ZNF487: variants seen among roughly 807,000 people sequenced by gnomAD.
The protein encoded by ZNF487 is zinc finger protein 487, also known as KRAB domain only 1.
A neutral mutation model predicts 3.0 loss-of-function variants in ZNF487; 4 were observed. That is an observed-to-expected ratio of 1.35 (90% CI 0.66 to 3.08). The LOEUF is 3.08. Among genes scored for constraint, ZNF487 ranks in the 30% most tolerant of loss-of-function variants. ZNF487 has a pLI of 0.01. For missense variants in ZNF487, 146 were observed against 98.7 expected (o/e 1.48, Z -2.03); for synonymous variants, 55 against 34.6 (o/e 1.59, Z -2.06).
At chr10:43,455,156 C>A (rs1405052066) in intron 1 of ZNF487, among the ~76,000 whole-genome samples, 1 of 151,698 alleles carries the variant, frequency 6.6e-6, no homozygotes, top group East Asian at 2.0e-4. Flanking sequence ...CTATAGGCGC[C>A]CGCCACCACG....
At chr10:43,484,043 A>G (rs891887046), downstream of ZNF487, among the ~76,000 whole-genome samples, 2 of 151,326 alleles carry the variant, frequency 1.3e-5, no homozygotes, top group African/African-American at 2.4e-5. Context: ...TAATTTTTGT[A>G]TTTTTAGTAG....
intron 2 of ZNF487, 34 bp downstream of exon 2, chr10:43,475,881 A>G (rs1167648793): frequency 1.4e-6 from 1 of 726,786 alleles, no homozygotes; most frequent in Non-Finnish European, 2.6e-6. Context: ...TTCAAATAAC[A>G]TTTATTTCCT....
chr10:43,464,568 A>G (rs1250548366), intron 1 of ZNF487, among the ~76,000 whole-genome samples: 3 of 152,060 alleles, frequency 2.0e-5, no homozygotes, highest in Non-Finnish European at 4.4e-5. Flanking sequence ...GGGAGTGGTG[A>G]TGACTCTTGA....
chr10:43,464,006 C>T lies in ZNF487; in HGVS notation c.-93-11715C>T, dbSNP rs531280276. ...GAAATTAGGGTAGGTAACTACCCTG[C>T]AGTGGCCTCTCAGTGTTCCAGTGAG... On this transcript the variant is annotated intron_variant, in intron 1 of 3. Transcript: ENST00000437590. 2.1e-4 allele frequency among the ~76,000 whole-genome samples: 32 copies of T among 152,032 alleles called. No homozygotes were observed. In the South Asian group the frequency reaches 6.2e-3, roughly 30 times the overall value.
chr10:43,510,272 G>A, the ZNF487 span, among the ~76,000 whole-genome samples: 1 of 152,070 alleles, frequency 6.6e-6, no homozygotes, highest in Non-Finnish European at 1.5e-5. Flanking sequence ...TATTCCCTTT[G>A]CCTTCAGCAA....
rs1434570924 is a variant in ZNF487 at position 43,483,066 on chromosome 10, AC to A, written c.*1147del. 1 of 458,060 alleles carries A rather than the reference AC, an allele frequency of 2.2e-6. No individual in the cohort carries two copies. The highest frequency in any genetic ancestry group is 4.4e-6 in the Non-Finnish European group (1 of 227,494). The allele number at this position is 458,060 out of a possible 1,614,324, so 28.4% of individuals were successfully genotyped here. On this transcript the variant is annotated 3_prime_UTR_variant, in exon 4 of 4. Transcript: ENST00000437590. The stretch of plus-strand genomic sequence containing the variant: ...ATGTCAGAGAGACAACATAGAGGAA[AC>A]CCTTGTCAACATCCTGAAGGCTCAG...
chr10:43,473,673 T>C lies in ZNF487; in HGVS notation c.-93-2048T>C, dbSNP rs1319165198. Among the ~76,000 whole-genome samples the C allele has an allele frequency of 5.3e-5, 8 of 151,910 alleles. No homozygotes were observed. The East Asian group carries it at 1.5e-3, about 29-fold the overall frequency. On this transcript the variant is annotated intron_variant, in intron 1 of 3. Transcript: ENST00000437590. ...AGCTGGGATTACAGGCCCCCTTTTT[T>C]TTTTCCCCAGACCCAAACATCAACT...
At position 43,457,532 on chromosome 10, in the gene ZNF487, G is replaced by A. The variant is rs1342894448; in HGVS notation, c.-93-18189G>A. Among the ~76,000 whole-genome samples the A allele has an allele frequency of 7.4e-5, 11 of 148,844 alleles. No individual in the cohort carries two copies. In the East Asian group the frequency reaches 1.2e-3, roughly 16 times the overall value. Reference sequence around the variant, plus strand: ...ATTGCATCACTGCACTCCAGCCTGGGCGACAAAGCAAGACTCTGTCTTGGG... The same window carrying A: ...ATTGCATCACTGCACTCCAGCCTGGACGACAAAGCAAGACTCTGTCTTGGG... On this transcript the variant is annotated intron_variant, in intron 1 of 3. Transcript: ENST00000437590.
chr10:43,453,255 G>A (rs1033196111), intron 1 of ZNF487: 1 of 152,180 alleles, frequency 6.6e-6, no homozygotes, highest in Admixed American at 6.6e-5. Flanking sequence ...CTTCTTAGCT[G>A]TAGGAGATAC....
intron 3 of ZNF487, among the ~76,000 whole-genome samples, chr10:43,477,223 GTC>G (rs1381377318): frequency 6.9e-6 from 1 of 144,788 alleles, no homozygotes; most frequent in Non-Finnish European, 1.5e-5. Flanking sequence ...TTTTGAGACA[GTC>G]TCTCTCAGTC....
At chr10:43,479,984 C>CTTCTTTCTTTCT (rs71533064) in intron 3 of ZNF487, among the ~76,000 whole-genome samples, 1,045 of 57,640 alleles carry the variant, frequency 0.018, 8 homozygotes, top group Middle Eastern at 0.059. Context: ...TCTTTCTTTC[C>CTTCTTTCTTTCT]TTCTTTCTTT....
At chr10:43,515,298 G>T in the ZNF487 span, among the ~76,000 whole-genome samples, 2 of 152,142 alleles carry the variant, frequency 1.3e-5, no homozygotes, top group Admixed American at 6.5e-5. Context: ...AAGCAAACGG[G>T]TGTTGGGGGT....
chr10:43,440,315 G>A (rs1839551060), intron 1 of ZNF487, among the ~76,000 whole-genome samples: 1 of 151,574 alleles, frequency 6.6e-6, no homozygotes, highest in Non-Finnish European at 1.5e-5. Flanking sequence ...CTCCCAAAGT[G>A]CTGGGATTAC....
At chr10:43,501,374 G>C in the ZNF487 span, among the ~76,000 whole-genome samples, 1 of 152,112 alleles carries the variant, frequency 6.6e-6, no homozygotes. Context: ...AGGCTACACT[G>C]TTTATAAAAA....
chr10:43,498,314 T>C, the ZNF487 span, among the ~76,000 whole-genome samples: 6 of 145,446 alleles, frequency 4.1e-5, no homozygotes, highest in Non-Finnish European at 6.0e-5. Context: ...ATGGAGTCTC[T>C]GTTGCCCAGG....
chr10:43,496,406 C>A, the ZNF487 span, among the ~76,000 whole-genome samples: 1 of 152,130 alleles, frequency 6.6e-6, no homozygotes, highest in Non-Finnish European at 1.5e-5. Flanking sequence ...ATAAGCCTGG[C>A]TGAGTCCTAA....
intron 1 of ZNF487, 111 bp from the exon 2 acceptor site, chr10:43,475,610 C>G (rs1242155440): frequency 1.4e-6 from 1 of 695,320 alleles, no homozygotes; most frequent in African/African-American, 1.8e-5. Flanking sequence ...TCCTATGTAG[C>G]ATTTTCTCTT....
chr10:43,515,252 T>C, the ZNF487 span, among the ~76,000 whole-genome samples: 1 of 152,162 alleles, frequency 6.6e-6, no homozygotes, highest in South Asian at 2.1e-4. Flanking sequence ...CAACCTCACC[T>C]CTAGGGGCCT....
At position 43,443,211 on chromosome 10, in the gene ZNF487, C is replaced by T. The variant is rs535352861; in HGVS notation, c.-94+5949C>T. On this transcript the variant is annotated intron_variant, in intron 1 of 3. Transcript: ENST00000437590. ...CCGAGTAGCTGGGATTACAGGCACC[C>T]GCCACCACGCCTGGCTAATTTTTAT... 1.5e-3 allele frequency among the ~76,000 whole-genome samples: 207 copies of T among 141,438 alleles called. 1 individual carries two copies. Among genetic ancestry groups the T allele is most frequent in the Middle Eastern group, 4.6e-3 (1 of 218 alleles). The allele number at this position is 141,438 out of a possible 152,430, so 92.8% of individuals were successfully genotyped here.
Sources: allele counts gnomAD v4.1 joint callset (sites outside exome capture counted in the v4.1 genomes callset), GRCh38; gene constraint gnomAD v4.1.1; transcripts MANE v1.5; gene names NCBI Gene and HGNC (gene_info 2026-07-23, HGNC 2026-07-21).